The following NRL variants were observed in gnomAD, a reference collection of about 807,000 sequenced individuals.
NRL encodes neural retina leucine zipper.
A neutral mutation model predicts 12.5 loss-of-function variants in NRL; 16 were observed. The observed-to-expected ratio is 1.28, with a 90% CI of 0.87 to 1.95. The LOEUF is 1.95. Among genes scored for constraint, NRL ranks in the 30% most tolerant of loss-of-function variants. The pLI is 0.00. For synonymous variants in NRL, 142 were observed against 150.9 expected, an observed-to-expected ratio of 0.94 and a Z score of 0.43; for missense variants, 314 against 325.8, an observed-to-expected ratio of 0.96 and a Z score of 0.28.
chr14:24,099,292 T>C (rs1265380125), intron 1 of NRL: 16 of 1,503,196 alleles, frequency 1.1e-5, no homozygotes, highest in Non-Finnish European at 1.3e-5. Context: ...GGGTGGGGCC[T>C]GGCCAGTCTG....
chr14:24,097,590 A>ATT (rs200681299), intron 1 of NRL, among the ~76,000 whole-genome samples: 14 of 137,846 alleles, frequency 1.0e-4, no homozygotes, highest in African/African-American at 3.4e-4. Flanking sequence ...AGAAACTGGG[A>ATT]TTTTTTTTTT....
chr14:24,098,020 C>T (rs977590211), intron 1 of NRL, among the ~76,000 whole-genome samples: 4 of 151,814 alleles, frequency 2.6e-5, no homozygotes, highest in East Asian at 1.9e-4. Flanking sequence ...CCCCAGAGGG[C>T]TGGGACCTTG....
In NRL at chr14:24,099,137, C is replaced by T. The variant is rs376443548; in HGVS notation, c.-28+15585G>A. 24 of 1,611,646 alleles carry T rather than the reference C, an allele frequency of 1.5e-5. 1 individual carries two copies. The highest frequency in any genetic ancestry group is 3.3e-4 in the Middle Eastern group (2 of 6,060). On this transcript the variant is annotated intron_variant, in intron 1 of 2. Coordinates refer to ENST00000561028, the MANE Select transcript of NRL (RefSeq NM_001354768.3). ...AGCGGGAGATCATCTCCTTCGGCAG[C>T]GGCTATGGTGGCAACTCCCTGCTGG...
intron 1 of NRL, among the ~76,000 whole-genome samples, chr14:24,105,046 G>A (rs944711206): frequency 3.3e-5 from 5 of 152,176 alleles, no homozygotes; most frequent in Non-Finnish European, 5.9e-5. Context: ...TGACAGCCTC[G>A]AACAGAGATT....
intron 1 of NRL, chr14:24,103,229 AG>A (rs763517556): frequency 1.9e-6 from 3 of 1,613,808 alleles, no homozygotes; most frequent in African/African-American, 2.7e-5. Context: ...ATGCGCTCTG[AG>A]TCCACTGCTG....
intron 1 of NRL, among the ~76,000 whole-genome samples, chr14:24,096,406 T>G (rs962360839): frequency 3.3e-5 from 5 of 151,980 alleles, no homozygotes; most frequent in African/African-American, 1.2e-4. Context: ...ATCCGGCTAA[T>G]TTTTATATTT....
intron 1 of NRL, among the ~76,000 whole-genome samples, chr14:24,090,283 A>T (rs966053582): frequency 2.3e-4 from 1 of 4,338 alleles, no homozygotes; most frequent in African/African-American, 1.1e-3. Flanking sequence ...GGGGGGGGGC[A>T]CGGGGGGGGA....
At chr14:24,114,098 G>A (rs2037478375) in intron 1 of NRL, 2 of 152,516 alleles carry the variant, frequency 1.3e-5, no homozygotes, top group Non-Finnish European at 2.9e-5. Flanking sequence ...CGGGGGCGGA[G>A]AGGCACCGCG....
At position 24,091,224 on chromosome 14, in the gene NRL, C is replaced by T. The variant is rs186283263; in HGVS notation, c.-27-8349G>A. Among the ~76,000 whole-genome samples the T allele has an allele frequency of 7.2e-5, 11 of 152,024 alleles. No homozygotes were observed. In the East Asian group the frequency reaches 2.1e-3, roughly 29 times the overall value. ...GGAGTGCAGTGGTGCGATCTCGGCT[C>T]ACTGCAACCTCCGCCTCCCGGGTTC... On this transcript the variant is annotated intron_variant, in intron 1 of 2. Coordinates refer to ENST00000561028, the MANE Select transcript of NRL (RefSeq NM_001354768.3).
intron 1 of NRL, chr14:24,110,389 G>T: frequency 2.9e-6 from 1 of 341,554 alleles, no homozygotes; most frequent in Non-Finnish European, 6.2e-6. Context: ...GATTACAGGT[G>T]TGAGCTACCA....
intron 1 of NRL, among the ~76,000 whole-genome samples, chr14:24,090,160 TAA>T (rs747784724): frequency 6.0e-5 from 9 of 150,060 alleles, no homozygotes; most frequent in Non-Finnish European, 1.3e-4. Flanking sequence ...AACAATGAAA[TAA>T]GAGTCAGATT....
In NRL at chr14:24,082,709, A is replaced by C; in HGVS notation, c.140T>G (p.Val47Gly). 6.2e-7 allele frequency: 1 copy of C among 1,614,182 alleles called. No individual in the cohort carries two copies. Among genetic ancestry groups the C allele is most frequent in the East Asian group, 2.2e-5 (1 of 44,890 alleles). Residue 47 changes from valine (V) to glycine (G), a missense_variant, in exon 2 of 3, where the codon GTG (valine) becomes GGG (glycine). By Grantham distance (109) the Val-to-Gly change is moderately radical. Transcript: ENST00000561028. ...TTCACTGAAGGTGGGTGAAGGAGGC[A>C]CTGAGCTGTAAGGTGTGGAGCCCAG... ...ASLGSTPYSS[V>G]PPSPTFSEPG... is the part of the protein sequence containing the mutation.
chr14:24,085,639 A>G lies in NRL; in HGVS notation c.-27-2764T>C, dbSNP rs1436699721. 6.6e-6 allele frequency among the ~76,000 whole-genome samples: 1 copy of G among 152,214 alleles called. No homozygotes were observed. The highest frequency in any genetic ancestry group is 1.5e-5 in the Non-Finnish European group (1 of 68,042). On this transcript the variant is annotated intron_variant, in intron 1 of 2. Transcript: ENST00000561028. This position sits in a 1 kb window ranked among gnomAD's most constrained non-coding sequence, Gnocchi z 4.1. ...CCACCCAAATACTCCCATGGGGTTA[A>G]TAGTTCCTCTTTCTCAACACAGAGG... is the stretch of plus-strand genomic sequence containing the variant.
chr14:24,108,146 C>T (rs2037367000), intron 1 of NRL, among the ~76,000 whole-genome samples: 1 of 152,200 alleles, frequency 6.6e-6, no homozygotes, highest in Non-Finnish European at 1.5e-5. Context: ...TTTCCTTCCC[C>T]AAACCTGGAA....
chr14:24,095,157 TCGG>T (rs1478464505), intron 1 of NRL: 2 of 455,834 alleles, frequency 4.4e-6, no homozygotes, highest in Non-Finnish European at 8.8e-6. Context: ...TGTCCCAGAG[TCGG>T]AAGTGACCCA....
chr14:24,086,430 G>A (rs900007260), intron 1 of NRL, among the ~76,000 whole-genome samples: 4 of 152,136 alleles, frequency 2.6e-5, no homozygotes, highest in African/African-American at 7.2e-5. Flanking sequence ...AGAAACCATC[G>A]TCACCATTCA....
intron 1 of NRL, chr14:24,100,534 C>A: frequency 2.1e-6 from 2 of 955,312 alleles, no homozygotes; most frequent in Non-Finnish European, 2.7e-6. Context: ...ATCACACTGA[C>A]AAATACACAG....
In NRL at chr14:24,081,412, G is replaced by C. The variant is rs996182319; in HGVS notation, c.538C>G (p.Arg180Gly). 3 of 1,520,076 alleles carry C rather than the reference G, an allele frequency of 2.0e-6. No individual in the cohort carries two copies. Among genetic ancestry groups the C allele is most frequent in the Admixed American group, 4.1e-5 (2 of 49,028 alleles). 94.2% of individuals were successfully genotyped at this position (1,520,076 alleles called of 1,614,324 possible). A position where few individuals can be genotyped will look rare whatever the true frequency, so the allele number is the denominator to read the frequency against. ...TCCAGCCCGCGCCGCTGCTGCAGCC[G>C]CTTGGAGCGACAGGCCTGCGCGTAG... ...RGYAQACRSKRLQQRRGLEAE... is the reference protein window; with the variant it reads ...RGYAQACRSKGLQQRRGLEAE... The change falls in exon 3 of 3, where the codon CGG becomes GGG. Residue 180 changes from arginine to glycine, a missense_variant. By Grantham distance (125) the Arg-to-Gly change is moderately radical (BLOSUM62 -2). Coordinates refer to ENST00000561028, the MANE Select transcript of NRL (RefSeq NM_001354768.3). This position sits in a 1 kb window ranked among gnomAD's most constrained non-coding sequence, Gnocchi z 4.4.
intron 1 of NRL, among the ~76,000 whole-genome samples, chr14:24,086,897 C>A (rs1484698401): frequency 6.6e-6 from 1 of 152,086 alleles, no homozygotes; most frequent in East Asian, 1.9e-4. Context: ...CCAGTCTGGG[C>A]CAGAGGAAAG....
Sources: allele counts gnomAD v4.1 joint callset (sites outside exome capture counted in the v4.1 genomes callset), GRCh38; gene constraint gnomAD v4.1.1; non-coding constraint Gnocchi (gnomAD v3.1); transcripts MANE v1.5; gene names NCBI Gene and HGNC (gene_info 2026-07-23, HGNC 2026-07-21).